Variants in UTRN observed in about 807,000 individuals in gnomAD.
The protein encoded by UTRN is dystrophin-related protein 1.
Under a neutral mutation model 463.9 loss-of-function variants are expected in UTRN, and 283 were observed. The observed-to-expected ratio is 0.61, with a 90% CI of 0.55 to 0.67. UTRN has a LOEUF of 0.67. UTRN is among the 30% of genes least tolerant of loss of function. UTRN has a pLI of 0.00. For synonymous variants in UTRN, 1,442 were observed against 1,431.5 expected (o/e 1.01, Z -0.17); for missense variants, 3,922 against 4,084.3 (o/e 0.96, Z 1.08).
At position 144,451,441 on chromosome 6, in the gene UTRN, TAA is replaced by T; in HGVS notation, c.2147_2148del (p.Lys716ArgfsTer31). ...AAAACTGCCATTCAGACCACAGAGA[TAA>T]AAGAGTATATGAAGATGCAAGACAC... On this transcript the variant is annotated frameshift_variant, in exon 18 of 75. Transcript: ENST00000367545. LOFTEE classifies it high-confidence loss of function. The T allele has an allele frequency of 6.2e-7, 1 of 1,613,102 alleles. No individual in the cohort carries two copies. The highest frequency in any genetic ancestry group is 1.1e-5 in the South Asian group (1 of 91,050).
intron 32 of UTRN, among the ~76,000 whole-genome samples, chr6:144,492,242 T>G (rs1403013262): frequency 1.3e-5 from 2 of 152,218 alleles, no homozygotes; most frequent in Non-Finnish European, 2.9e-5. Flanking sequence ...TGCCCATTGT[T>G]TAACTCCCAC....
intron 8 of UTRN, 140 bp from the exon 9 acceptor site, chr6:144,429,441 G>A (rs1461742668): frequency 4.7e-5 from 30 of 634,430 alleles, no homozygotes; most frequent in Non-Finnish European, 6.9e-5. Flanking sequence ...TTATGAAGTG[G>A]CAATTTACTG....
intron 51 of UTRN, among the ~76,000 whole-genome samples, chr6:144,610,017 G>A (rs565772044): frequency 3.2e-4 from 49 of 151,228 alleles, no homozygotes; most frequent in Non-Finnish European, 5.9e-4. Context: ...TACACCTCAA[G>A]GAACAATAAA....
intron 51 of UTRN, among the ~76,000 whole-genome samples, chr6:144,676,410 C>G (rs1479982394): frequency 6.6e-6 from 1 of 152,088 alleles, no homozygotes; most frequent in African/African-American, 2.4e-5. Context: ...TGCATAAAGG[C>G]TAGATCTTGT....
chr6:144,330,911 C>T, intron 2 of UTRN: 4 of 985,390 alleles, frequency 4.1e-6, no homozygotes, highest in Non-Finnish European at 4.8e-6. Flanking sequence ...AGAAATCATG[C>T]ACTGTTGGTT....
intron 2 of UTRN, among the ~76,000 whole-genome samples, chr6:144,396,094 A>G (rs1279160155): frequency 6.6e-6 from 1 of 152,182 alleles, no homozygotes; most frequent in Non-Finnish European, 1.5e-5. Context: ...TCATTGTGAC[A>G]TTGTTCATAA....
intron 2 of UTRN, among the ~76,000 whole-genome samples, chr6:144,400,630 G>T (rs1171626493): frequency 6.6e-6 from 1 of 152,132 alleles, no homozygotes; most frequent in Non-Finnish European, 1.5e-5. Context: ...GTGTGTGTGT[G>T]TCTGAAAAAA....
rs527746708 is a variant in UTRN at position 144,298,515 on chromosome 6, G to A, written c.79+6608G>A. ...TCATAAGGGAAATGTCTGTGTATGC[G>A]CATCTGGCAGCTAAGATTAAGGTTT... On this transcript the variant is annotated intron_variant, in intron 2 of 74. Coordinates refer to ENST00000367545, the MANE Select transcript of UTRN (RefSeq NM_007124.3). Among the ~76,000 whole-genome samples, 6 of 152,244 alleles carry A rather than the reference G, an allele frequency of 3.9e-5. No homozygotes were observed. In the East Asian group the frequency reaches 7.7e-4, roughly 20 times the overall value.
intron 52 of UTRN, among the ~76,000 whole-genome samples, chr6:144,689,767 C>T (rs1434568071): frequency 6.6e-6 from 1 of 152,000 alleles, no homozygotes; most frequent in Non-Finnish European, 1.5e-5. Flanking sequence ...GGCTTTCTCA[C>T]ATGCCATGTG....
At chr6:144,508,595 A>C (rs943361593) in intron 34 of UTRN, among the ~76,000 whole-genome samples, 12 of 151,906 alleles carry the variant, frequency 7.9e-5, no homozygotes, top group African/African-American at 2.7e-4. Flanking sequence ...TGAACCAAGT[A>C]CCTCTGTTGG....
intron 30 of UTRN, among the ~76,000 whole-genome samples, 157 bp from the exon 31 acceptor site, chr6:144,489,914 C>A (rs1792888854): frequency 6.6e-6 from 1 of 152,158 alleles, no homozygotes; most frequent in African/African-American, 2.4e-5. Flanking sequence ...GCCACCGCAC[C>A]TGGCCTACAA....
chr6:144,637,603 A>G (rs974514266), intron 51 of UTRN, among the ~76,000 whole-genome samples: 8 of 151,610 alleles, frequency 5.3e-5, no homozygotes, highest in African/African-American at 1.5e-4. Flanking sequence ...AATTTTATGT[A>G]TTTTTATACA....
chr6:144,341,096 A>G (rs1246183263), intron 2 of UTRN, among the ~76,000 whole-genome samples: 2 of 152,218 alleles, frequency 1.3e-5, no homozygotes, highest in South Asian at 2.1e-4. Flanking sequence ...GGAAAGTTCT[A>G]TTTGACATAT....
chr6:144,781,866 T>TATGTAATGTA lies in UTRN; in HGVS notation c.8633-42_8633-33dup, dbSNP rs527712545. 2.3e-6 allele frequency: 3 copies of TATGTAATGTA among 1,321,500 alleles called. No homozygotes were observed. In the African/African-American group the frequency reaches 4.4e-5, roughly 19 times the overall value. 81.9% of individuals were successfully genotyped at this position (1,321,500 alleles called of 1,614,324 possible). The stretch of plus-strand genomic sequence containing the variant: ...AGAAATGCCTTTGTTGTGATGTTGT[T>TATGTAATGTA]ATGTAATGTAATGTAATGTAATGAC... On this transcript the variant is annotated intron_variant, in intron 60 of 74. Transcript: ENST00000367545.
At chr6:144,353,205 C>T (rs1015023497) in intron 2 of UTRN, among the ~76,000 whole-genome samples, 57 of 152,218 alleles carry the variant, frequency 3.7e-4, no homozygotes, top group African/African-American at 1.3e-3. Flanking sequence ...ACCTCCCCTT[C>T]CCAGGTTCAA....
intron 52 of UTRN, among the ~76,000 whole-genome samples, chr6:144,696,063 G>A (rs75404922): frequency 0.028 from 4,316 of 151,992 alleles, 202 homozygotes; most frequent in African/African-American, 0.096. Flanking sequence ...AAAATTCAGG[G>A]CACCTTTTTA....
chr6:144,487,190 A>G (rs1040279665), intron 28 of UTRN, among the ~76,000 whole-genome samples: 7 of 152,142 alleles, frequency 4.6e-5, no homozygotes, highest in African/African-American at 1.7e-4. Flanking sequence ...TTGTTTAGAG[A>G]CATAGTCTCG....
At chr6:144,601,106 A>G (rs1280022089) in intron 51 of UTRN, among the ~76,000 whole-genome samples, 1 of 152,226 alleles carries the variant, frequency 6.6e-6, no homozygotes, top group Non-Finnish European at 1.5e-5. Context: ...TATTACTGCT[A>G]TTGACAATGT....
intron 62 of UTRN, among the ~76,000 whole-genome samples, chr6:144,791,188 T>G (rs887524042): frequency 6.6e-6 from 1 of 152,346 alleles, no homozygotes; most frequent in South Asian, 2.1e-4. Context: ...TTATTAGAAT[T>G]AATATTCAAG....
Sources: allele counts gnomAD v4.1 joint callset (sites outside exome capture counted in the v4.1 genomes callset), GRCh38; gene constraint gnomAD v4.1.1; transcripts MANE v1.5; gene names NCBI Gene and HGNC (gene_info 2026-07-23, HGNC 2026-07-21).